PLEKHM3: variants seen among roughly 807,000 people sequenced by gnomAD.
The protein encoded by PLEKHM3 is pleckstrin homology domain containing M3, also known as pleckstrin homology domain-containing family M member 3.
A neutral mutation model predicts 81.8 loss-of-function variants in PLEKHM3; 45 were observed. The observed-to-expected ratio is 0.55, with a 90% CI of 0.43 to 0.71. The LOEUF (loss-of-function observed/expected upper bound fraction) is 0.71, where lower values mean the gene tolerates loss of function less well. PLEKHM3 is among the 30% of genes least tolerant of loss of function. The pLI, the probability that PLEKHM3 is intolerant of heterozygous loss-of-function variation, is 0.00. For synonymous variants in PLEKHM3, 352 were observed against 356.4 expected, an observed-to-expected ratio of 0.99 and a Z score of 0.14; for missense variants, 788 against 924.3, an observed-to-expected ratio of 0.85 and a Z score of 1.91.
At position 207,865,801 on chromosome 2, in the gene PLEKHM3, A is replaced by AAAAAAAAAAAAAAAAT; in HGVS notation, c.1951-4540_1951-4539insATTTTTTTTTTTTTTT. Among the ~76,000 whole-genome samples, 6 of 25,286 alleles carry AAAAAAAAAAAAAAAAT rather than the reference A, an allele frequency of 2.4e-4. 2 individuals carry two copies. The highest frequency in any genetic ancestry group is 4.5e-4 in the Non-Finnish European group (6 of 13,194). 16.6% of individuals were successfully genotyped at this position (25,286 alleles called of 152,430 possible). On this transcript the variant is annotated intron_variant, in intron 6 of 7. Transcript: ENST00000427836. Reference sequence around the variant, plus strand: ...CGACTCAAAAAAAAAAAAAAAAAAAAAGATATATATATATATATATATATA... The same window carrying AAAAAAAAAAAAAAAAT: ...CGACTCAAAAAAAAAAAAAAAAAAAAAAAAAAAAAAAAAAATAGATATATATATATATATATATATA...
chr2:207,923,444 C>CA (rs1179818284), intron 5 of PLEKHM3, among the ~76,000 whole-genome samples: 1 of 151,616 alleles, frequency 6.6e-6, no homozygotes, highest in Non-Finnish European at 1.5e-5. Context: ...CCTGTCTCTA[C>CA]AAAAAACACA....
At chr2:207,913,052 T>C (rs1574399603) in intron 5 of PLEKHM3, among the ~76,000 whole-genome samples, 1 of 151,784 alleles carries the variant, frequency 6.6e-6, no homozygotes, top group South Asian at 2.1e-4. Flanking sequence ...CTTTAGGAAA[T>C]GAATGGGAAA....
At chr2:207,961,005 C>G (rs1465617984) in intron 3 of PLEKHM3, among the ~76,000 whole-genome samples, 2 of 152,182 alleles carry the variant, frequency 1.3e-5, no homozygotes, top group Non-Finnish European at 2.9e-5. Flanking sequence ...TGTACATAGT[C>G]AAGACAGTTT....
At chr2:207,842,390 A>G in intron 7 of PLEKHM3, among the ~76,000 whole-genome samples, 1 of 152,226 alleles carries the variant, frequency 6.6e-6, no homozygotes, top group East Asian at 1.9e-4. Context: ...GGATAAAGGC[A>G]TTGTACAAGT....
intron 7 of PLEKHM3, among the ~76,000 whole-genome samples, chr2:207,840,891 C>T (rs2092347563): frequency 6.7e-6 from 1 of 148,454 alleles, no homozygotes; most frequent in South Asian, 2.2e-4. Flanking sequence ...ACCTCCGCCT[C>T]CTGGGTTCAA....
intron 5 of PLEKHM3, among the ~76,000 whole-genome samples, chr2:207,914,904 T>C (rs986423070): frequency 1.3e-5 from 2 of 152,160 alleles, no homozygotes; most frequent in African/African-American, 4.8e-5. Context: ...TCTGGCAGCA[T>C]TTCTGCAGTG....
chr2:207,920,579 GAA>G (rs35352036), intron 5 of PLEKHM3, among the ~76,000 whole-genome samples: 1 of 150,272 alleles, frequency 6.7e-6, no homozygotes, highest in African/African-American at 2.4e-5. Context: ...TAAAATGAGA[GAA>G]AAAAAAATGT....
chr2:207,919,602 T>C (rs1689115521), intron 5 of PLEKHM3, among the ~76,000 whole-genome samples: 1 of 151,894 alleles, frequency 6.6e-6, no homozygotes, highest in South Asian at 2.1e-4. Flanking sequence ...GAGAGAAAGG[T>C]GTTTGGCTTG....
chr2:208,009,710 G>A (rs1159977289), intron 1 of PLEKHM3, among the ~76,000 whole-genome samples: 2 of 152,162 alleles, frequency 1.3e-5, no homozygotes, highest in African/African-American at 2.4e-5. Context: ...ACTGGGCCTA[G>A]AACTGTGGTT....
At chr2:207,974,204 C>T (rs147310480) in intron 3 of PLEKHM3, among the ~76,000 whole-genome samples, 45 of 152,282 alleles carry the variant, frequency 3.0e-4, no homozygotes, top group African/African-American at 8.7e-4. Flanking sequence ...TATAATAATA[C>T]GTTTCCTGTT....
intron 2 of PLEKHM3, among the ~76,000 whole-genome samples, chr2:207,979,078 A>G (rs879442041): frequency 2.6e-5 from 4 of 152,230 alleles, no homozygotes; most frequent in Admixed American, 2.6e-4. Context: ...AATGCTCAGC[A>G]CATAGTAGGT....
intron 2 of PLEKHM3, among the ~76,000 whole-genome samples, chr2:207,996,674 G>C (rs181347949): frequency 6.6e-6 from 1 of 152,052 alleles, no homozygotes; most frequent in African/African-American, 2.4e-5. Context: ...GTATGAGAGA[G>C]GGAAAGAATG....
chr2:207,924,155 T>C (rs1689305298), intron 5 of PLEKHM3, among the ~76,000 whole-genome samples: 1 of 151,172 alleles, frequency 6.6e-6, no homozygotes, highest in Non-Finnish European at 1.5e-5. Context: ...TCTGCCCACC[T>C]CGGCCTCCCA....
chr2:207,963,919 A>C (rs537787533), intron 3 of PLEKHM3, among the ~76,000 whole-genome samples: 1 of 152,322 alleles, frequency 6.6e-6, no homozygotes, highest in Non-Finnish European at 1.5e-5. Context: ...CTCATTCACT[A>C]AGAACATCCT....
chr2:207,871,873 TCAG>T (rs1179062879), intron 6 of PLEKHM3, among the ~76,000 whole-genome samples: 1 of 152,210 alleles, frequency 6.6e-6, no homozygotes, highest in Non-Finnish European at 1.5e-5. Flanking sequence ...TCATAGATGG[TCAG>T]CAGAATTGTG....
In PLEKHM3 at chr2:207,976,538, A is replaced by G; in HGVS notation, c.1546+113T>C. 9.8e-7 allele frequency: 1 copy of G among 1,018,076 alleles called. No homozygotes were observed. Among genetic ancestry groups the G allele is most frequent in the Non-Finnish European group, 1.4e-6 (1 of 709,988 alleles). 63.1% of individuals were successfully genotyped at this position (1,018,076 alleles called of 1,614,324 possible). On this transcript the variant is annotated intron_variant, in intron 3 of 7. Coordinates refer to ENST00000427836, the MANE Select transcript of PLEKHM3 (RefSeq NM_001080475.3). This position sits in a 1 kb window ranked among gnomAD's most constrained non-coding sequence, Gnocchi z 4.1. ...AGCTTCTCGAGGAGAGATACTTTTT[A>G]TAAACAGGAGATAGCTGTGACTAGC... is the stretch of plus-strand genomic sequence containing the variant.
At position 208,000,406 on chromosome 2, in the gene PLEKHM3, C is replaced by A. The variant is rs10179682; in HGVS notation, c.610+624G>T. Among the ~76,000 whole-genome samples the A allele has an allele frequency of 9.5e-3, 1,443 of 152,292 alleles. 27 individuals carry two copies. The highest frequency in any genetic ancestry group is 0.033 in the African/African-American group (1,379 of 41,560). On this transcript the variant is annotated intron_variant, in intron 2 of 7. Transcript: ENST00000427836. ...TGCAAGCCAAGCCCTTCCTGAGAAG[C>A]CCAACCCACAGTGTCTTCTCCTTCT...
intron 5 of PLEKHM3, among the ~76,000 whole-genome samples, chr2:207,912,599 T>C (rs753484536): frequency 6.0e-4 from 92 of 152,214 alleles, no homozygotes; most frequent in Non-Finnish European, 9.1e-4. Context: ...CACCTTTTTT[T>C]CTCCCTGGAG....
intron 7 of PLEKHM3, among the ~76,000 whole-genome samples, chr2:207,855,035 G>C (rs947580993): frequency 6.6e-6 from 1 of 152,140 alleles, no homozygotes; most frequent in East Asian, 1.9e-4. Context: ...GTCCAGGAAC[G>C]GAGGGCTTTA....
Sources: allele counts gnomAD v4.1 joint callset (sites outside exome capture counted in the v4.1 genomes callset), GRCh38; gene constraint gnomAD v4.1.1; non-coding constraint Gnocchi (gnomAD v3.1); transcripts MANE v1.5; gene names NCBI Gene and HGNC (gene_info 2026-07-23, HGNC 2026-07-21).